Variants in GRIN3A observed in about 807,000 individuals in gnomAD.
GRIN3A encodes the protein glutamate receptor ionotropic, NMDA 3A.
In GRIN3A, 47 loss-of-function variants were observed where a neutral mutation model predicts 92.4. That is an observed-to-expected ratio of 0.51 (90% CI 0.40 to 0.65). GRIN3A has a LOEUF of 0.65. Among genes scored for constraint, GRIN3A ranks in the 30% least tolerant of loss-of-function variants. GRIN3A has a pLI of 0.00. For missense variants in GRIN3A, 1,324 were observed against 1,393.1 expected (o/e 0.95, Z 0.79); for synonymous variants, 527 against 540.6 (o/e 0.97, Z 0.35).
chr9:101,686,807 G>C lies in GRIN3A; in HGVS notation c.1093C>G (p.Leu365Val), dbSNP rs969505460. The change falls in exon 2 of 9, where the codon CTG (leucine) becomes GTG (valine). Residue 365 changes from leucine to valine, a missense_variant. Leu to Val is a conservative substitution (Grantham distance 32). Coordinates refer to ENST00000361820, the MANE Select transcript of GRIN3A (RefSeq NM_133445.3). ...VLGDSQNVEE[L>V]RTEGLPLGLI... is the part of the protein sequence containing the mutation. Reference sequence around the variant, plus strand: ...CCTAAGGGCAGACCCTCTGTCCTCAGTTCCTCCACATTCTGGGAATCTCCC... The same window carrying C: ...CCTAAGGGCAGACCCTCTGTCCTCACTTCCTCCACATTCTGGGAATCTCCC... 1.2e-6 allele frequency: 2 copies of C among 1,614,052 alleles called. No homozygotes were observed. The highest frequency in any genetic ancestry group is 2.7e-5 in the African/African-American group (2 of 74,916).
In GRIN3A at chr9:101,571,114, G is replaced by C. The variant is rs1027176377; in HGVS notation, c.*2060C>G. 2.6e-5 allele frequency: 4 copies of C among 152,240 alleles called. No individual in the cohort carries two copies. Among genetic ancestry groups the C allele is most frequent in the African/African-American group, 7.2e-5 (3 of 41,426 alleles). 9.4% of individuals were successfully genotyped at this position (152,240 alleles called of 1,614,324 possible). On this transcript the variant is annotated 3_prime_UTR_variant, in exon 9 of 9. Coordinates refer to ENST00000361820, the MANE Select transcript of GRIN3A (RefSeq NM_133445.3). Reference sequence around the variant, plus strand: ...GCAGTTGCAACCTACTTCTGGGCCTGGGGTGAGAACGTGAGGGGATGGGGT... The same window carrying C: ...GCAGTTGCAACCTACTTCTGGGCCTCGGGTGAGAACGTGAGGGGATGGGGT...
chr9:101,665,902 A>G (rs2417287), intron 3 of GRIN3A, among the ~76,000 whole-genome samples: 51,143 of 151,842 alleles, frequency 0.34, 9,488 homozygotes, highest in Non-Finnish European at 0.42. Flanking sequence ...ACATGCATGT[A>G]TGCATGCATG....
chr9:101,686,970 G>A lies in GRIN3A; in HGVS notation c.930C>T (p.Phe310=). 6.2e-7 allele frequency: 1 copy of A among 1,614,198 alleles called. No homozygotes were observed. Among genetic ancestry groups the A allele is most frequent in the Non-Finnish European group, 8.5e-7 (1 of 1,180,034 alleles). Residue 310 remains phenylalanine (F), a synonymous_variant, in exon 2 of 9, where the codon TTC becomes TTT. Transcript: ENST00000361820. The part of the protein sequence containing the change: ...NLPSTQDLLS[F]LQIQLESIKN... ...TAATACTCTCAAGCTGGATCTGTAG[G>A]AAGCTCAAGAGGTCCTGGGTGGAGG...
intron 1 of GRIN3A, among the ~76,000 whole-genome samples, chr9:101,735,294 T>G (rs948474306): frequency 6.6e-6 from 1 of 151,928 alleles, no homozygotes; most frequent in African/African-American, 2.4e-5. Context: ...AAGGTAACAG[T>G]GACAACAGTG....
At chr9:101,578,096 C>G (rs143570057) in intron 7 of GRIN3A, among the ~76,000 whole-genome samples, 6 of 152,242 alleles carry the variant, frequency 3.9e-5, no homozygotes, top group African/African-American at 1.4e-4. Context: ...TATTATAAAA[C>G]GGTATGTGAT....
chr9:101,698,528 C>T (rs1170936219), intron 1 of GRIN3A, among the ~76,000 whole-genome samples: 3 of 152,044 alleles, frequency 2.0e-5, no homozygotes, highest in African/African-American at 7.2e-5. Context: ...CCTACTACAC[C>T]CCTAGGCTAC....
chr9:101,722,666 T>C (rs117066607), intron 1 of GRIN3A, among the ~76,000 whole-genome samples: 1,670 of 152,292 alleles, frequency 0.011, 10 homozygotes, highest in Middle Eastern at 0.02. Context: ...GGAGATTATT[T>C]TGTAGCTTTA....
chr9:101,731,633 A>G (rs1460791907), intron 1 of GRIN3A, among the ~76,000 whole-genome samples: 2 of 152,194 alleles, frequency 1.3e-5, no homozygotes, highest in Non-Finnish European at 2.9e-5. Context: ...CTCATGACAT[A>G]ATGCCAGCCA....
At chr9:101,661,774 C>A (rs1829175044) in intron 3 of GRIN3A, among the ~76,000 whole-genome samples, 1 of 151,742 alleles carries the variant, frequency 6.6e-6, no homozygotes, top group African/African-American at 2.4e-5. Context: ...GGCTCTTGAT[C>A]CAAATGGCCA....
At chr9:101,727,964 T>G (rs1311372176) in intron 1 of GRIN3A, among the ~76,000 whole-genome samples, 2 of 151,680 alleles carry the variant, frequency 1.3e-5, no homozygotes, top group Admixed American at 1.3e-4. Context: ...AAGACTCAAA[T>G]TAACTCCTCC....
Position 101,586,123 on chromosome 9 carries a change from G to A in GRIN3A, c.2767-6763C>T, listed in dbSNP as rs752452192. On this transcript the variant is annotated intron_variant, in intron 6 of 8. Coordinates refer to ENST00000361820, the MANE Select transcript of GRIN3A (RefSeq NM_133445.3). The stretch of plus-strand genomic sequence containing the variant: ...TTCTCAAATGTCACCTATCCATGAA[G>A]TTTACCCTAATCACTGTGCTTAAAA... 6.4e-4 allele frequency among the ~76,000 whole-genome samples: 97 copies of A among 152,226 alleles called. 1 individual carries two copies. Among genetic ancestry groups the A allele is most frequent in the South Asian group, 1.5e-3 (7 of 4,818 alleles).
chr9:101,712,657 A>C (rs1418433227), intron 1 of GRIN3A, among the ~76,000 whole-genome samples: 1 of 152,214 alleles, frequency 6.6e-6, no homozygotes, highest in Non-Finnish European at 1.5e-5. Context: ...TAAGACACAA[A>C]AATATGAAAG....
chr9:101,620,637 T>G (rs2118864575), intron 5 of GRIN3A, among the ~76,000 whole-genome samples: 1 of 152,252 alleles, frequency 6.6e-6, no homozygotes, highest in Admixed American at 6.5e-5. Context: ...ACCTAATTAG[T>G]TATTTAATAG....
chr9:101,588,676 T>C (rs59950554), intron 6 of GRIN3A, among the ~76,000 whole-genome samples: 1,544 of 152,280 alleles, frequency 0.01, 27 homozygotes, highest in African/African-American at 0.035. Context: ...CCATTTTCTC[T>C]TCTGAACAAT....
intron 6 of GRIN3A, among the ~76,000 whole-genome samples, chr9:101,580,144 G>A (rs184720633): frequency 1.1e-3 from 162 of 152,138 alleles, no homozygotes; most frequent in Non-Finnish European, 1.9e-3. Context: ...TACTCAATAC[G>A]TATACTCAGC....
Position 101,670,203 on chromosome 9 carries a change from GA to G in GRIN3A, c.2208del (p.Pro737GlnfsTer9). 6.2e-7 allele frequency: 1 copy of G among 1,613,998 alleles called. No individual in the cohort carries two copies. Among genetic ancestry groups the G allele is most frequent in the African/African-American group, 1.3e-5 (1 of 75,032 alleles). ...AGAAACCTTCCAGTCCAACATTTTG[GA>G]GGTTTGATGGCCACTGTTCTGCCAA... is the stretch of plus-strand genomic sequence containing the variant. The part of the protein sequence containing the change: ...LLFGRTVAIK[P>X]PKCWTGRFLM... On this transcript the variant is annotated frameshift_variant, in exon 3 of 9. Transcript: ENST00000361820. LOFTEE classifies it high-confidence loss of function.
chr9:101,611,547 G>A (rs1828368419), intron 6 of GRIN3A, among the ~76,000 whole-genome samples: 2 of 152,168 alleles, frequency 1.3e-5, no homozygotes, highest in African/African-American at 2.4e-5. Context: ...CACACCCGAT[G>A]TATGCTTTTG....
At chr9:101,714,087 A>C (rs369794394) in intron 1 of GRIN3A, among the ~76,000 whole-genome samples, 1 of 152,192 alleles carries the variant, frequency 6.6e-6, no homozygotes, top group African/African-American at 2.4e-5. Context: ...AATGGTATAG[A>C]AAAAGGCAAA....
intron 8 of GRIN3A, 54 bp downstream of exon 8, chr9:101,577,714 T>A: frequency 8.2e-7 from 1 of 1,222,016 alleles, no homozygotes; most frequent in East Asian, 2.3e-5. Flanking sequence ...TACAGTTAGA[T>A]CTCTAAAGAT....
Sources: gnomAD v4.1 joint callset for allele counts (sites outside exome capture counted in the v4.1 genomes callset) on GRCh38, gnomAD v4.1.1 for gene constraint, MANE v1.5 for transcripts, NCBI Gene and HGNC (gene_info 2026-07-23, HGNC 2026-07-21) for gene names.